Variants in DIS3L2 observed in about 807,000 individuals in gnomAD.
DIS3L2 encodes DIS3 like 3'-5' exoribonuclease 2, also known as DIS3-like exonuclease 2.
Under a neutral mutation model 97.5 loss-of-function variants are expected in DIS3L2, and 34 were observed. That is an observed-to-expected ratio of 0.35 (90% confidence interval 0.27 to 0.46). DIS3L2 has a LOEUF of 0.46. DIS3L2 is among the 20% of genes least tolerant of loss of function. DIS3L2 has a pLI of 1.00. For missense variants in DIS3L2, 1,038 were observed against 1,146.0 expected, an observed-to-expected ratio of 0.91 and a Z score of 1.36; for synonymous variants, 435 against 445.2, an observed-to-expected ratio of 0.98 and a Z score of 0.29.
At chr2:232,333,327 C>A (rs1191868751) in intron 16 of DIS3L2, among the ~76,000 whole-genome samples, 2 of 150,382 alleles carry the variant, frequency 1.3e-5, no homozygotes, top group African/African-American at 2.5e-5. Flanking sequence ...TCCCCCACCC[C>A]CCGCCGCTAC....
intron 11 of DIS3L2, among the ~76,000 whole-genome samples, chr2:232,244,291 G>A (rs1693185220): frequency 6.6e-6 from 1 of 152,150 alleles, no homozygotes; most frequent in Admixed American, 6.5e-5. Context: ...TGTGTTCTGG[G>A]GACAGGGGTG....
At chr2:232,315,737 C>T (rs1001947986) in intron 14 of DIS3L2, among the ~76,000 whole-genome samples, 4 of 152,168 alleles carry the variant, frequency 2.6e-5, no homozygotes, top group South Asian at 2.1e-4. Context: ...AACACAGCTG[C>T]GAAAAGATTT....
Position 232,272,112 on chromosome 2 carries a change from T to C in DIS3L2, c.1659+8672T>C, listed in dbSNP as rs11686390. On this transcript the variant is annotated intron_variant, in intron 13 of 20. Transcript: ENST00000325385. ...TTATAACCCTGAACTCTTCATGTGCTTACTCTCCTTGTAGGCAAGTCACCT... is the reference window on the plus strand; with the variant it reads ...TTATAACCCTGAACTCTTCATGTGCCTACTCTCCTTGTAGGCAAGTCACCT... Among the ~76,000 whole-genome samples the C allele has an allele frequency of 2.8e-3, 431 of 152,354 alleles. 1 individual carries two copies. The highest frequency in any genetic ancestry group is 4.7e-3 in the Non-Finnish European group (319 of 68,032).
chr2:232,163,438 C>T, intron 8 of DIS3L2, 21 bp from the exon 9 acceptor site: 3 of 1,603,240 alleles, frequency 1.9e-6, no homozygotes, highest in Non-Finnish European at 2.6e-6. Flanking sequence ...CCCAGTTATT[C>T]CGTTTCTGTT....
chr2:232,162,219 C>T (rs1574917640), intron 8 of DIS3L2, among the ~76,000 whole-genome samples: 1 of 152,098 alleles, frequency 6.6e-6, no homozygotes, highest in African/African-American at 2.4e-5. Flanking sequence ...ATGGGAGAGA[C>T]CACCCATTTG....
At position 232,118,260 on chromosome 2, in the gene DIS3L2, G is replaced by A. The variant is rs73995101; in HGVS notation, c.602-12359G>A. Reference sequence around the variant, plus strand: ...GCAATATTTCGTTGGTTAGAAACAAGTCCCAGGTCCCGCCCACACTCAGGT... The same window carrying A: ...GCAATATTTCGTTGGTTAGAAACAAATCCCAGGTCCCGCCCACACTCAGGT... On this transcript the variant is annotated intron_variant, in intron 6 of 20. Transcript: ENST00000325385. 6.6e-3 allele frequency among the ~76,000 whole-genome samples: 1,010 copies of A among 152,290 alleles called. 17 individuals are homozygous for A. Among genetic ancestry groups the A allele is most frequent in the African/African-American group, 0.023 (956 of 41,562 alleles).
At chr2:232,200,370 C>T (rs569888976) in intron 9 of DIS3L2, among the ~76,000 whole-genome samples, 2 of 152,288 alleles carry the variant, frequency 1.3e-5, no homozygotes, top group Admixed American at 1.3e-4. Flanking sequence ...TATGCCCCAT[C>T]CTGGTTTCTA....
intron 10 of DIS3L2, among the ~76,000 whole-genome samples, chr2:232,213,534 T>C (rs1330109206): frequency 6.6e-6 from 1 of 152,098 alleles, no homozygotes; most frequent in Non-Finnish European, 1.5e-5. Flanking sequence ...CAGTTTGGAT[T>C]GGGGTGAGGT....
At chr2:232,328,958 C>A (rs192911565) in intron 14 of DIS3L2, 5 of 152,466 alleles carry the variant, frequency 3.3e-5, no homozygotes, top group African/African-American at 9.6e-5. Context: ...ACCAGCCCCC[C>A]AGCCTTTGCC....
In DIS3L2 at chr2:232,335,009, G is replaced by A. The variant is rs548679555; in HGVS notation, c.2394+274G>A. 8.6e-4 allele frequency: 386 copies of A among 448,804 alleles called. 2 individuals carry two copies. The highest frequency in any genetic ancestry group is 7.0e-3 in the African/African-American group (353 of 50,394). The allele number at this position is 448,804 out of a possible 1,614,324, so 27.8% of individuals were successfully genotyped here. On this transcript the variant is annotated intron_variant, in intron 19 of 20. Transcript: ENST00000325385. ...AGCTCGGCAGGGTGTGCAGGCTTTGGGGACTGTGTTTATAGGAACGTGAAG... is the reference window on the plus strand; with the variant it reads ...AGCTCGGCAGGGTGTGCAGGCTTTGAGGACTGTGTTTATAGGAACGTGAAG...
chr2:232,225,528 G>A (rs1484172377), intron 10 of DIS3L2, among the ~76,000 whole-genome samples: 2 of 152,140 alleles, frequency 1.3e-5, no homozygotes, highest in African/African-American at 4.8e-5. Context: ...AAACTGATCA[G>A]TGATTATATA....
rs150722823 is a variant in DIS3L2 at position 232,313,957 on chromosome 2, G to A, written c.1739+13838G>A. On this transcript the variant is annotated intron_variant, in intron 14 of 20. Transcript: ENST00000325385. Reference sequence around the variant, plus strand: ...AACAGCATGAGAAAGACCTGCCCCCGTGATTCAGTTATCTCCCACCACGTC... The same window carrying A: ...AACAGCATGAGAAAGACCTGCCCCCATGATTCAGTTATCTCCCACCACGTC... 9.0e-3 allele frequency among the ~76,000 whole-genome samples: 1,367 copies of A among 152,306 alleles called. 23 individuals carry two copies. The highest frequency in any genetic ancestry group is 0.049 in the Admixed American group (750 of 15,302).
intron 1 of DIS3L2, among the ~76,000 whole-genome samples, chr2:232,005,099 AT>A (rs1694012379): frequency 6.7e-6 from 1 of 149,486 alleles, no homozygotes. Context: ...ATGTCAAATA[AT>A]TTTGGATTGT....
At chr2:232,068,550 C>T (rs1695919002) in intron 5 of DIS3L2, among the ~76,000 whole-genome samples, 1 of 151,746 alleles carries the variant, frequency 6.6e-6, no homozygotes, top group East Asian at 1.9e-4. Context: ...TCACTGCACT[C>T]CAGCCTGGGT....
chr2:232,008,335 C>G (rs994160662), intron 1 of DIS3L2, among the ~76,000 whole-genome samples: 2 of 151,662 alleles, frequency 1.3e-5, no homozygotes, highest in African/African-American at 4.8e-5. Context: ...GCCAAATTTT[C>G]TCTTTTTGAC....
At chr2:231,981,036 C>T (rs1693240000) in intron 1 of DIS3L2, among the ~76,000 whole-genome samples, 1 of 152,038 alleles carries the variant, frequency 6.6e-6, no homozygotes, top group Admixed American at 6.6e-5. Context: ...CTCTGCCTCT[C>T]AGGTTCAAGT....
chr2:232,040,192 A>G (rs1695069953), intron 5 of DIS3L2, among the ~76,000 whole-genome samples: 1 of 152,180 alleles, frequency 6.6e-6, no homozygotes, highest in Admixed American at 6.6e-5. Flanking sequence ...GATTTGTTTT[A>G]TTTCAAGATG....
chr2:232,134,685 C>T (rs767044942), intron 7 of DIS3L2, among the ~76,000 whole-genome samples: 10 of 152,016 alleles, frequency 6.6e-5, no homozygotes, highest in Admixed American at 4.6e-4. Flanking sequence ...ATTAGCCAGG[C>T]GTGGTGACTG....
In DIS3L2 at chr2:232,091,440, A is replaced by G. The variant is rs1025217953; in HGVS notation, c.601+3719A>G. On this transcript the variant is annotated intron_variant, in intron 6 of 20. Transcript: ENST00000325385. ...TTTCTGTGCCTGACTACTTCACTTAACATAATGACCTCCAATTCCATTAAT... is the reference window on the plus strand; with the variant it reads ...TTTCTGTGCCTGACTACTTCACTTAGCATAATGACCTCCAATTCCATTAAT... Among the ~76,000 whole-genome samples the G allele has an allele frequency of 2.6e-5, 4 of 152,162 alleles. No individual in the cohort carries two copies. The South Asian group carries it at 8.3e-4, about 32-fold the overall frequency.
Sources: gnomAD v4.1 joint callset for allele counts (sites outside exome capture counted in the v4.1 genomes callset) on GRCh38, gnomAD v4.1.1 for gene constraint, MANE v1.5 for transcripts, NCBI Gene and HGNC (gene_info 2026-07-23, HGNC 2026-07-21) for gene names.